The following NOTCH2 variants were observed in gnomAD, a reference collection of about 807,000 sequenced individuals.
NOTCH2 encodes the protein notch receptor 2.
Under a neutral mutation model 235.8 loss-of-function variants are expected in NOTCH2, and 29 were observed. The observed-to-expected ratio is 0.12, with a 90% CI of 0.09 to 0.17. The LOEUF (loss-of-function observed/expected upper bound fraction) is 0.17, where lower values mean the gene tolerates loss of function less well. NOTCH2 is among the 10% of genes least tolerant of loss of function. The pLI, the probability that NOTCH2 is intolerant of heterozygous loss-of-function variation, is 1.00. For synonymous variants in NOTCH2, 1,086 were observed against 1,141.5 expected, an observed-to-expected ratio of 0.95 and a Z score of 0.98; for missense variants, 2,285 against 3,150.2, an observed-to-expected ratio of 0.73 and a Z score of 6.57.
intron 3 of NOTCH2, among the ~76,000 whole-genome samples, chr1:119,999,162 G>A (rs1652610148): frequency 1.3e-5 from 2 of 148,200 alleles, no homozygotes; most frequent in African/African-American, 5.2e-5. Context: ...GTGTGCATGT[G>A]TCTTTATAGC....
chr1:119,971,746 TG>T (rs1232323043), intron 5 of NOTCH2, among the ~76,000 whole-genome samples: 2 of 152,030 alleles, frequency 1.3e-5, no homozygotes, highest in East Asian at 3.9e-4. Context: ...ATAGAAAAGA[TG>T]TGCACAAAGA....
intron 2 of NOTCH2, among the ~76,000 whole-genome samples, chr1:120,023,287 A>G (rs200665684): frequency 1.3e-5 from 2 of 149,750 alleles, no homozygotes; most frequent in Non-Finnish European, 3.0e-5. Flanking sequence ...AATACAAAAA[A>G]TTAGCCGGGC....
Position 119,922,462 on chromosome 1 carries a change from G to T in NOTCH2, c.5003-16C>A, listed in dbSNP as rs762603409. 6.2e-7 allele frequency: 1 copy of T among 1,606,224 alleles called. No individual in the cohort carries two copies. The highest frequency in any genetic ancestry group is 2.2e-5 in the East Asian group (1 of 44,732). On this transcript the variant is annotated splice_polypyrimidine_tract_variant and intron_variant, in intron 27 of 33. Transcript: ENST00000256646. ...AGGGATTCACCTGAAAGTCCACAGAGACAGGGAAAGTGCTGAATAAAACAT... is the reference window on the plus strand; with the variant it reads ...AGGGATTCACCTGAAAGTCCACAGATACAGGGAAAGTGCTGAATAAAACAT...
In NOTCH2 at chr1:119,923,831, A is replaced by T; in HGVS notation, c.4665T>A (p.Pro1555=). ...GTLVIVVLMP[P]EQLLQDARSF... Reference sequence around the variant, plus strand: ...TGCGAGCATCCTGGAGCAGTTGTTCAGGTGGCATCAATACCACAATAACCA... The same window carrying T: ...TGCGAGCATCCTGGAGCAGTTGTTCTGGTGGCATCAATACCACAATAACCA... Residue 1555 remains proline, a synonymous_variant, in exon 26 of 34, where the codon CCT becomes CCA. Coordinates refer to ENST00000256646, the MANE Select transcript of NOTCH2 (RefSeq NM_024408.4). The T allele has an allele frequency of 6.2e-7, 1 of 1,614,200 alleles. No homozygotes were observed. The highest frequency in any genetic ancestry group is 8.5e-7 in the Non-Finnish European group (1 of 1,180,030).
rs1356991357 is a variant in NOTCH2, at chr1:119,925,295, A to G, written c.4511+10T>C. 6.2e-7 allele frequency: 1 copy of G among 1,613,360 alleles called. No individual in the cohort carries two copies. Among genetic ancestry groups the G allele is most frequent in the Admixed American group, 1.7e-5 (1 of 60,032 alleles). ...GTCCCCTTCAGTTCTGGAAAACGTG[A>G]AGCCCTTACTTGCATGTCTTGCTGT... On this transcript the variant is annotated intron_variant, in intron 25 of 33. Coordinates refer to ENST00000256646, the MANE Select transcript of NOTCH2 (RefSeq NM_024408.4).
At chr1:119,920,437 C>A in intron 29 of NOTCH2, 40 bp from the exon 30 acceptor site, 1 of 1,609,990 alleles carries the variant, frequency 6.2e-7, no homozygotes, top group South Asian at 1.1e-5. Flanking sequence ...ATCTGGCCAC[C>A]ACCAGAAACT....
In NOTCH2 at chr1:119,955,664, G is replaced by A. The variant is rs190936527; in HGVS notation, c.2027-432C>T. 1.8e-4 allele frequency among the ~76,000 whole-genome samples: 28 copies of A among 152,182 alleles called. No individual in the cohort carries two copies. The East Asian group carries it at 4.2e-3, about 23-fold the overall frequency. On this transcript the variant is annotated intron_variant, in intron 12 of 33. Transcript: ENST00000256646. ...CTCAGCCTCTTACATTTCTATTTAT[G>A]GTAAATCCAAATTAACTGGAATGCT...
chr1:119,963,528 A>G (rs1553199281), intron 11 of NOTCH2, 46 bp downstream of exon 11: 2 of 1,491,928 alleles, frequency 1.3e-6, no homozygotes, highest in Admixed American at 1.7e-5. Context: ...AACAGATTTG[A>G]GAAACAGTGA....
At chr1:119,984,279 T>A (rs1553201986) in intron 5 of NOTCH2, among the ~76,000 whole-genome samples, 1 of 152,158 alleles carries the variant, frequency 6.6e-6, no homozygotes, top group East Asian at 1.9e-4. Context: ...AAAATCAATT[T>A]TATATAGAAA....
intron 4 of NOTCH2, chr1:119,995,722 G>A (rs1418879180): frequency 1.7e-4 from 26 of 152,174 alleles, no homozygotes; most frequent in Admixed American, 1.7e-3. Flanking sequence ...GCTTGTTCTT[G>A]TGACTTAAAT....
chr1:119,975,138 G>C (rs1651521893), intron 5 of NOTCH2, among the ~76,000 whole-genome samples: 1 of 152,198 alleles, frequency 6.6e-6, no homozygotes, highest in African/African-American at 2.4e-5. Flanking sequence ...GATCAAGTTA[G>C]TTTTCAAAAT....
At chr1:119,930,769 ACT>A (rs1308580072) in intron 22 of NOTCH2, among the ~76,000 whole-genome samples, 1 of 148,894 alleles carries the variant, frequency 6.7e-6, no homozygotes, top group Non-Finnish European at 1.5e-5. Context: ...ACAGAGCAAG[ACT>A]CTGTCTCAAA....
intron 17 of NOTCH2, among the ~76,000 whole-genome samples, chr1:119,942,200 C>T (rs1411454117): frequency 1.3e-5 from 2 of 152,054 alleles, no homozygotes; most frequent in African/African-American, 4.8e-5. Flanking sequence ...CTCTCTCTCT[C>T]TTTTTCTCTC....
chr1:119,982,903 C>T (rs896033621), intron 5 of NOTCH2, among the ~76,000 whole-genome samples: 5 of 152,198 alleles, frequency 3.3e-5, no homozygotes, highest in South Asian at 2.1e-4. Context: ...ATGGGGAAAC[C>T]ATCTATTCCT....
chr1:119,917,527 C>G, intron 33 of NOTCH2, 138 bp downstream of exon 33: 2 of 726,962 alleles, frequency 2.8e-6, no homozygotes, highest in East Asian at 2.5e-5. Context: ...ATCAAGCTCT[C>G]GAAACCCAGT....
intron 5 of NOTCH2, among the ~76,000 whole-genome samples, chr1:119,970,562 T>G (rs1185453737): frequency 6.6e-6 from 1 of 152,078 alleles, no homozygotes; most frequent in Admixed American, 6.5e-5. Flanking sequence ...AAGATCACAC[T>G]AAAGGAAGCT....
rs1202915770 is a variant in NOTCH2, at chr1:119,913,316, T to G, written c.*1990A>C. 1 of 233,148 alleles carries G rather than the reference T, an allele frequency of 4.3e-6. No homozygotes were observed. Among genetic ancestry groups the G allele is most frequent in the Non-Finnish European group, 8.5e-6 (1 of 118,068 alleles). The allele number at this position is 233,148 out of a possible 1,614,324, so 14.4% of individuals were successfully genotyped here. A position where few individuals can be genotyped will look rare whatever the true frequency, so the allele number is the denominator to read the frequency against. The stretch of plus-strand genomic sequence containing the variant: ...AGGACTGAAAAAACCATTTGTAAAC[T>G]ATTATGCCAACAGACACGCAGGGTT... On this transcript the variant is annotated 3_prime_UTR_variant, in exon 34 of 34. Coordinates refer to ENST00000256646, the MANE Select transcript of NOTCH2 (RefSeq NM_024408.4).
At chr1:119,965,611 G>T in intron 9 of NOTCH2, 45 bp from the exon 10 acceptor site, 1 of 1,287,538 alleles carries the variant, frequency 7.8e-7, no homozygotes, top group South Asian at 1.2e-5. Flanking sequence ...ATTATCTTGT[G>T]TCTCCCTTTA....
chr1:119,921,887 A>G, intron 28 of NOTCH2, 78 bp from the exon 29 acceptor site: 10 of 1,203,694 alleles, frequency 8.3e-6, no homozygotes, highest in Non-Finnish European at 1.2e-5. Context: ...TTCCACCATG[A>G]CACACTCCCG....
Sources: allele counts gnomAD v4.1 joint callset (sites outside exome capture counted in the v4.1 genomes callset), GRCh38; gene constraint gnomAD v4.1.1; transcripts MANE v1.5; gene names NCBI Gene and HGNC (gene_info 2026-07-23, HGNC 2026-07-21).